The following FHL5 variants were observed in gnomAD, a reference collection of about 807,000 sequenced individuals.
FHL5 encodes four and a half LIM domains protein 5.
Under a neutral mutation model 32.0 loss-of-function variants are expected in FHL5, and 33 were observed. That is an observed-to-expected ratio of 1.03 (90% CI 0.78 to 1.38). The LOEUF is 1.38. Ranked by LOEUF, FHL5 falls within the 40% of genes most tolerant of loss-of-function variation. The pLI is 0.00. For synonymous variants in FHL5, 114 were observed against 113.6 expected, an observed-to-expected ratio of 1.00 and a Z score of -0.02; for missense variants, 336 against 343.9, an observed-to-expected ratio of 0.98 and a Z score of 0.18.
intron 1 of FHL5, among the ~76,000 whole-genome samples, chr6:96,586,838 C>T (rs1016538141): frequency 2.6e-5 from 4 of 152,046 alleles, no homozygotes; most frequent in Non-Finnish European, 4.4e-5. Context: ...TGTGCCAAAA[C>T]GATTGCACAG....
chr6:96,607,430 GT>G (rs1419796582), intron 4 of FHL5, among the ~76,000 whole-genome samples: 23 of 151,002 alleles, frequency 1.5e-4, no homozygotes, highest in Non-Finnish European at 3.0e-5. Context: ...CACACACGCA[GT>G]TAACTGTTTA....
rs751325128 is a variant in FHL5, at chr6:96,604,926, T to C, written c.334+2T>C. 5.6e-6 allele frequency: 9 copies of C among 1,598,284 alleles called. No individual in the cohort carries two copies. The highest frequency in any genetic ancestry group is 2.7e-5 in the African/African-American group (2 of 74,336). ...ACTGCAAGAGGACCATCATGCCTGG[T>C]AGGGTCTCAAGGGGGCTCCTGTCTC... On this transcript the variant is annotated splice_donor_variant, in intron 3 of 5. Coordinates refer to ENST00000450218, the MANE Select transcript of FHL5 (RefSeq NM_001322466.2). LOFTEE classifies it high-confidence loss of function.
Position 96,573,749 on chromosome 6 carries a change from C to G in FHL5, c.-13+10394C>G, listed in dbSNP as rs151124243. Among the ~76,000 whole-genome samples, 364 of 151,918 alleles carry G rather than the reference C, an allele frequency of 2.4e-3. 2 individuals are homozygous for G. The highest frequency in any genetic ancestry group is 8.0e-3 in the African/African-American group (331 of 41,440). ...TGTTAGCCAAGTTGGTCTCGATCTC[C>G]TGACCTCATGATCCGCCCACATCAG... is the stretch of plus-strand genomic sequence containing the variant. On this transcript the variant is annotated intron_variant, in intron 1 of 5. Coordinates refer to ENST00000450218, the MANE Select transcript of FHL5 (RefSeq NM_001322466.2).
rs1771554050 is a variant in FHL5, at chr6:96,617,845, T to C, written c.*2073T>C. ...TTTACAATTAAAATTCACAGAATCA[T>C]TTCCTAAAGATTTTATTATCCTTTC... On this transcript the variant is annotated 3_prime_UTR_variant, in exon 6 of 6. Transcript: ENST00000450218. 6.6e-6 allele frequency among the ~76,000 whole-genome samples: 1 copy of C among 152,204 alleles called. No individual in the cohort carries two copies. Among genetic ancestry groups the C allele is most frequent in the Admixed American group, 6.5e-5 (1 of 15,278 alleles).
intron 1 of FHL5, among the ~76,000 whole-genome samples, chr6:96,572,462 A>G (rs1770499717): frequency 6.6e-6 from 1 of 151,670 alleles, no homozygotes; most frequent in Non-Finnish European, 1.5e-5. Context: ...AACAGCACAT[A>G]TTGGGGATGT....
intron 1 of FHL5, among the ~76,000 whole-genome samples, chr6:96,578,663 G>A (rs1218898026): frequency 1.3e-5 from 2 of 151,970 alleles, no homozygotes; most frequent in Non-Finnish European, 2.9e-5. Flanking sequence ...CCAACGTGTC[G>A]AAACCCCATC....
chr6:96,580,493 A>C (rs892400056), intron 1 of FHL5, among the ~76,000 whole-genome samples: 1 of 152,208 alleles, frequency 6.6e-6, no homozygotes, highest in Admixed American at 6.5e-5. Context: ...TACAACTTAT[A>C]AATGTGCCCT....
At chr6:96,591,757 A>G (rs1770922975) in intron 1 of FHL5, among the ~76,000 whole-genome samples, 1 of 152,114 alleles carries the variant, frequency 6.6e-6, no homozygotes, top group African/African-American at 2.4e-5. Context: ...TATTTCATGT[A>G]GGTGCTTTTC....
intron 1 of FHL5, among the ~76,000 whole-genome samples, chr6:96,588,337 A>G (rs113939443): frequency 9.9e-5 from 15 of 152,124 alleles, no homozygotes; most frequent in South Asian, 4.2e-4. Flanking sequence ...CAGCCTCCCA[A>G]CTGGCTGGGA....
chr6:96,595,127 T>C (rs1359098598), intron 1 of FHL5, among the ~76,000 whole-genome samples: 1 of 151,894 alleles, frequency 6.6e-6, no homozygotes, highest in East Asian at 1.9e-4. Context: ...TTCTTTTTTT[T>C]CAAACCACAT....
At chr6:96,602,735 A>G (rs543529274) in intron 1 of FHL5, among the ~76,000 whole-genome samples, 4 of 152,148 alleles carry the variant, frequency 2.6e-5, no homozygotes, top group African/African-American at 9.6e-5. Flanking sequence ...TATTTTATCC[A>G]TAGCTATAAT....
intron 2 of FHL5, among the ~76,000 whole-genome samples, chr6:96,604,501 G>A (rs1293165430): frequency 6.6e-6 from 1 of 151,966 alleles, no homozygotes; most frequent in Non-Finnish European, 1.5e-5. Context: ...AAATTTTGAA[G>A]ACACAGCAGA....
chr6:96,612,157 C>T (rs369911386), intron 5 of FHL5, among the ~76,000 whole-genome samples: 7 of 152,290 alleles, frequency 4.6e-5, no homozygotes, highest in East Asian at 1.9e-4. Flanking sequence ...CCACACCACT[C>T]GGCTCCAGGG....
chr6:96,601,322 G>A (rs117760394), intron 1 of FHL5, among the ~76,000 whole-genome samples: 5,633 of 152,156 alleles, frequency 0.037, 131 homozygotes, highest in African/African-American at 0.049. Flanking sequence ...CAATAGAGCA[G>A]GACTCTGTCT....
intron 1 of FHL5, among the ~76,000 whole-genome samples, chr6:96,589,190 T>C (rs1318505488): frequency 6.6e-6 from 1 of 152,118 alleles, no homozygotes; most frequent in Non-Finnish European, 1.5e-5. Context: ...TTCTCCTCCA[T>C]TGGTCTTTGG....
chr6:96,615,562 T>C (rs777093384), intron 5 of FHL5, 47 bp from the exon 6 acceptor site: 2 of 1,498,876 alleles, frequency 1.3e-6, no homozygotes, highest in Non-Finnish European at 1.8e-6. Flanking sequence ...ATGCTCAATC[T>C]GTTCCTTGAA....
intron 1 of FHL5, among the ~76,000 whole-genome samples, chr6:96,592,110 T>G (rs968860959): frequency 9.8e-4 from 149 of 152,040 alleles, no homozygotes; most frequent in African/African-American, 3.4e-3. Context: ...GGAGACAGGG[T>G]TTGAGAGCAA....
intron 5 of FHL5, among the ~76,000 whole-genome samples, chr6:96,613,243 T>A (rs952123891): frequency 2.0e-4 from 31 of 152,196 alleles, no homozygotes; most frequent in African/African-American, 7.5e-4. Context: ...TCAATTAAGA[T>A]TAATCAATTA....
chr6:96,566,644 C>A (rs915191691), intron 1 of FHL5, among the ~76,000 whole-genome samples: 11 of 151,770 alleles, frequency 7.2e-5, no homozygotes, highest in African/African-American at 2.4e-4. Flanking sequence ...TGTGTTTCAC[C>A]AAATCCTTGT....
Sources: allele counts gnomAD v4.1 joint callset (sites outside exome capture counted in the v4.1 genomes callset), GRCh38; gene constraint gnomAD v4.1.1; transcripts MANE v1.5; gene names NCBI Gene and HGNC (gene_info 2026-07-23, HGNC 2026-07-21).